CNGB3: variants seen among roughly 807,000 people sequenced by gnomAD.
CNGB3 encodes the protein cyclic nucleotide-gated channel beta-3.
Under a neutral mutation model 92.8 loss-of-function variants are expected in CNGB3, and 86 were observed. The observed-to-expected ratio is 0.93, with a 90% CI of 0.78 to 1.11. CNGB3 has a LOEUF of 1.11. Ranked by LOEUF, CNGB3 falls within the 50% of genes least tolerant of loss-of-function variation. The pLI, the probability that CNGB3 is intolerant of heterozygous loss-of-function variation, is 0.00. For synonymous variants in CNGB3, 333 were observed against 332.7 expected (o/e 1.00, Z -0.01); for missense variants, 1,026 against 956.8 (o/e 1.07, Z -0.95).
At chr8:86,741,098 G>A (rs1021930804) in intron 1 of CNGB3, among the ~76,000 whole-genome samples, 3 of 151,976 alleles carry the variant, frequency 2.0e-5, no homozygotes, top group Non-Finnish European at 4.4e-5. Context: ...GTGTAAATGA[G>A]CTCTTTAAAT....
rs1238543095 is a variant in CNGB3 at position 86,576,086 on chromosome 8, A to G, written c.2148T>C (p.Asn716=). 1.3e-6 allele frequency: 2 copies of G among 1,597,624 alleles called. No homozygotes were observed. The highest frequency in any genetic ancestry group is 2.2e-5 in the East Asian group (1 of 44,674). ...SEGGEEEGKE[N]EDKQKENEDK... is the part of the protein sequence containing the mutation. Reference sequence around the variant, plus strand: ...CTTCATTTTCTTTTTGTTTATCTTCATTTTCTTTTCCTTCTTCCTCTCCTC... The same window carrying G: ...CTTCATTTTCTTTTTGTTTATCTTCGTTTTCTTTTCCTTCTTCCTCTCCTC... Residue 716 remains asparagine, a synonymous_variant, in exon 18 of 18, where the codon AAT becomes AAC. Coordinates refer to ENST00000320005, the MANE Select transcript of CNGB3 (RefSeq NM_019098.5).
intron 3 of CNGB3, among the ~76,000 whole-genome samples, chr8:86,721,157 G>T (rs1297624160): frequency 6.6e-6 from 1 of 151,916 alleles, no homozygotes. Flanking sequence ...GTAGAGATGG[G>T]GTTTCACCAT....
At chr8:86,676,840 G>A (rs1316221271) in intron 3 of CNGB3, among the ~76,000 whole-genome samples, 1 of 152,150 alleles carries the variant, frequency 6.6e-6, no homozygotes, top group Non-Finnish European at 1.5e-5. Flanking sequence ...CCTAAGTGCT[G>A]GAGTGGCCTA....
chr8:86,736,644 G>A (rs932081061), intron 2 of CNGB3, among the ~76,000 whole-genome samples: 3 of 151,896 alleles, frequency 2.0e-5, no homozygotes, highest in African/African-American at 7.3e-5. Context: ...ACTTCCATTT[G>A]TTAATCACAT....
chr8:86,677,764 A>G (rs2131624818), intron 3 of CNGB3, among the ~76,000 whole-genome samples: 1 of 152,298 alleles, frequency 6.6e-6, no homozygotes, highest in Non-Finnish European at 1.5e-5. Flanking sequence ...GGGGGCAAGT[A>G]AGAGTTCACT....
chr8:86,661,655 A>G, intron 6 of CNGB3: 2 of 874,238 alleles, frequency 2.3e-6, no homozygotes, highest in Admixed American at 1.9e-5. Flanking sequence ...TAAGTATTTT[A>G]TATCTCCAGC....
chr8:86,696,851 A>G (rs1824458989), intron 3 of CNGB3, among the ~76,000 whole-genome samples: 1 of 152,148 alleles, frequency 6.6e-6, no homozygotes, highest in South Asian at 2.1e-4. Context: ...GTTCAGCCAC[A>G]GTATGTCTTT....
intron 13 of CNGB3, 151 bp from the exon 14 acceptor site, chr8:86,611,822 A>C (rs1822528421): frequency 1.5e-6 from 1 of 645,188 alleles, no homozygotes; most frequent in African/African-American, 1.8e-5. Flanking sequence ...GTCATGACTC[A>C]AAATTTAGAA....
intron 13 of CNGB3, among the ~76,000 whole-genome samples, chr8:86,613,728 A>T (rs1822561965): frequency 6.6e-6 from 1 of 151,778 alleles, no homozygotes; most frequent in South Asian, 2.1e-4. Context: ...TAATTTGTAA[A>T]TCAAAAATGA....
chr8:86,609,620 G>A (rs1008807395), intron 14 of CNGB3, among the ~76,000 whole-genome samples: 3 of 152,038 alleles, frequency 2.0e-5, no homozygotes, highest in East Asian at 1.9e-4. Flanking sequence ...TTATATTACA[G>A]TTCCCAGTAA....
intron 6 of CNGB3, chr8:86,661,677 C>T: frequency 6.0e-6 from 6 of 1,003,474 alleles, no homozygotes; most frequent in Non-Finnish European, 9.5e-6. Context: ...ATCTCTTCTT[C>T]CTCTTCTTCT....
At chr8:86,705,904 A>C (rs1037417902) in intron 3 of CNGB3, among the ~76,000 whole-genome samples, 13 of 152,222 alleles carry the variant, frequency 8.5e-5, no homozygotes, top group Admixed American at 7.9e-4. Context: ...TGCTCATTTG[A>C]AGAAACCAAG....
At chr8:86,659,196 T>C in intron 6 of CNGB3, 2 of 716,542 alleles carry the variant, frequency 2.8e-6, no homozygotes, top group East Asian at 2.5e-5. Context: ...TGACATCGGC[T>C]GCATCCTCTG....
intron 3 of CNGB3, among the ~76,000 whole-genome samples, chr8:86,714,488 A>G (rs1454998344): frequency 6.6e-6 from 1 of 152,200 alleles, no homozygotes; most frequent in African/African-American, 2.4e-5. Context: ...TAATGATTAA[A>G]AATGAATTGA....
At chr8:86,734,444 G>A (rs1421730785) in intron 2 of CNGB3, among the ~76,000 whole-genome samples, 2 of 152,104 alleles carry the variant, frequency 1.3e-5, no homozygotes, top group African/African-American at 4.8e-5. Context: ...AAAGAGGAAT[G>A]GAAAAGTAAC....
In CNGB3 at chr8:86,692,724, T is replaced by G. The variant is rs563250176; in HGVS notation, c.339-21626A>C. On this transcript the variant is annotated intron_variant, in intron 3 of 17. Coordinates refer to ENST00000320005, the MANE Select transcript of CNGB3 (RefSeq NM_019098.5). ...AGCGGAGCATTTAGGCCATTTACAT[T>G]CAATATTAGTATTGACATGTGAGGT... is the stretch of plus-strand genomic sequence containing the variant. Among the ~76,000 whole-genome samples, 3 of 152,320 alleles carry G rather than the reference T, an allele frequency of 2.0e-5. No homozygotes were observed. In the South Asian group the frequency reaches 6.2e-4, roughly 32 times the overall value.
chr8:86,614,669 A>C (rs1822582692), intron 13 of CNGB3, among the ~76,000 whole-genome samples: 1 of 152,212 alleles, frequency 6.6e-6, no homozygotes. Context: ...TCTTATAGGA[A>C]TAAACTGGAC....
At chr8:86,655,376 T>C (rs191386958) in intron 6 of CNGB3, among the ~76,000 whole-genome samples, 6 of 152,318 alleles carry the variant, frequency 3.9e-5, no homozygotes, top group Non-Finnish European at 7.4e-5. Flanking sequence ...AGCTCTACTT[T>C]CTGTTTTCCA....
chr8:86,670,113 G>T (rs1367583201), intron 4 of CNGB3, among the ~76,000 whole-genome samples: 1 of 152,118 alleles, frequency 6.6e-6, no homozygotes, highest in Non-Finnish European at 1.5e-5. Flanking sequence ...CTCCCAAAGG[G>T]CTAGGATTAC....
Sources: gnomAD v4.1 joint callset for allele counts (sites outside exome capture counted in the v4.1 genomes callset) on GRCh38, gnomAD v4.1.1 for gene constraint, MANE v1.5 for transcripts, NCBI Gene and HGNC (gene_info 2026-07-23, HGNC 2026-07-21) for gene names.